SLC25A13: variants seen among roughly 807,000 people sequenced by gnomAD.
SLC25A13 encodes the protein solute carrier family 25 member 13.
SLC25A13 carries 70 observed loss-of-function variants against 85.5 expected under a neutral mutation model. The ratio of observed to expected loss-of-function variants is 0.82; its 90% CI spans 0.68 to 1.00. The LOEUF is 1.00. SLC25A13 is among the 50% of genes least tolerant of loss of function. SLC25A13 has a pLI of 0.00. For synonymous variants in SLC25A13, 259 were observed against 288.7 expected, an observed-to-expected ratio of 0.90 and a Z score of 1.04; for missense variants, 765 against 819.8, an observed-to-expected ratio of 0.93 and a Z score of 0.82.
intron 2 of SLC25A13, among the ~76,000 whole-genome samples, chr7:96,287,715 T>C (rs140189811): frequency 2.6e-5 from 4 of 152,312 alleles, no homozygotes; most frequent in Admixed American, 6.5e-5. Flanking sequence ...ACCAGTGAGA[T>C]TGTAAGATGC....
At position 96,322,090 on chromosome 7, in the gene SLC25A13, G is replaced by A; in HGVS notation, c.-134C>T. Reference sequence around the variant, plus strand: ...ATACGGCCAGGCAGCGTGCGTTCCTGGCCTGCCTCCCCACGCCCTCCCGCC... The same window carrying A: ...ATACGGCCAGGCAGCGTGCGTTCCTAGCCTGCCTCCCCACGCCCTCCCGCC... On this transcript the variant is annotated 5_prime_UTR_variant, in exon 1 of 18. Transcript: ENST00000265631. 7.9e-7 allele frequency: 1 copy of A among 1,270,838 alleles called. No homozygotes were observed. Among genetic ancestry groups the A allele is most frequent in the South Asian group, 1.3e-5 (1 of 76,122 alleles). The allele number at this position is 1,270,838 out of a possible 1,614,324, so 78.7% of individuals were successfully genotyped here.
intron 14 of SLC25A13, among the ~76,000 whole-genome samples, chr7:96,133,374 C>T (rs1353902467): frequency 2.0e-5 from 3 of 152,180 alleles, no homozygotes; most frequent in Admixed American, 6.5e-5. Context: ...TACAAACTAA[C>T]GTCCTGGACA....
chr7:96,302,520 A>G (rs1385745011), intron 1 of SLC25A13, among the ~76,000 whole-genome samples: 1 of 152,208 alleles, frequency 6.6e-6, no homozygotes, highest in African/African-American at 2.4e-5. Context: ...AGAAATGCTA[A>G]TTTGAAAAAT....
At chr7:96,175,258 A>G (rs935396899) in intron 11 of SLC25A13, among the ~76,000 whole-genome samples, 1 of 152,232 alleles carries the variant, frequency 6.6e-6, no homozygotes, top group African/African-American at 2.4e-5. Context: ...TGACCCAGGC[A>G]GAGGAAACAG....
At position 96,267,189 on chromosome 7, in the gene SLC25A13, A is replaced by G. The variant is rs1260648496; in HGVS notation, c.212+10007T>C. Among the ~76,000 whole-genome samples the G allele has an allele frequency of 2.0e-5, 3 of 152,182 alleles. No individual in the cohort carries two copies. The East Asian group carries it at 5.8e-4, about 29-fold the overall frequency. On this transcript the variant is annotated intron_variant, in intron 3 of 17. Coordinates refer to ENST00000265631, the MANE Select transcript of SLC25A13 (RefSeq NM_014251.3). ...CCCTAATATTCTTTAAGTATTGCCA[A>G]TTGTAAACCTCATTAACTCCCAGCA...
rs529436191 is a variant in SLC25A13, at chr7:96,308,046, G to A, written c.16-11095C>T. 2.0e-5 allele frequency among the ~76,000 whole-genome samples: 3 copies of A among 151,818 alleles called. No individual in the cohort carries two copies. In the South Asian group the frequency reaches 6.3e-4, roughly 32 times the overall value. On this transcript the variant is annotated intron_variant, in intron 1 of 17. Coordinates refer to ENST00000265631, the MANE Select transcript of SLC25A13 (RefSeq NM_014251.3). ...CACATGCCTGTAATCCCGGCTATTC[G>A]GGAGGCTGAGGTAGGAGAATCACTT...
At chr7:96,287,052 T>G (rs1384723445) in intron 2 of SLC25A13, among the ~76,000 whole-genome samples, 1 of 152,150 alleles carries the variant, frequency 6.6e-6, no homozygotes, top group African/African-American at 2.4e-5. Context: ...TCACAGAAAA[T>G]CAGCAAAGTA....
At chr7:96,211,715 G>A (rs991401090) in intron 4 of SLC25A13, among the ~76,000 whole-genome samples, 2 of 152,112 alleles carry the variant, frequency 1.3e-5, no homozygotes, top group Non-Finnish European at 2.9e-5. Context: ...AATGCAACAG[G>A]TTAAGGACAG....
chr7:96,301,940 A>G (rs1799562930), intron 1 of SLC25A13, among the ~76,000 whole-genome samples: 1 of 152,164 alleles, frequency 6.6e-6, no homozygotes, highest in Non-Finnish European at 1.5e-5. Context: ...GAAAGTGGCA[A>G]TGTTGGAACA....
intron 13 of SLC25A13, among the ~76,000 whole-genome samples, chr7:96,168,098 G>GGAAAA (rs1793836839): frequency 5.1e-5 from 1 of 19,694 alleles, no homozygotes; most frequent in Non-Finnish European, 1.3e-4. Context: ...AACTCTGTCT[G>GGAAAA]AAAAAAAAAA....
intron 2 of SLC25A13, among the ~76,000 whole-genome samples, chr7:96,280,825 T>C (rs530341242): frequency 6.6e-6 from 1 of 152,182 alleles, no homozygotes; most frequent in African/African-American, 2.4e-5. Flanking sequence ...TCTCACACAC[T>C]GATGGTATGA....
At chr7:96,131,614 A>T in intron 15 of SLC25A13, 129 bp downstream of exon 15, 1 of 1,208,300 alleles carries the variant, frequency 8.3e-7, no homozygotes, top group South Asian at 1.3e-5. Context: ...TAGCTCTTCA[A>T]TCTCTAGCAA....
chr7:96,176,033 A>G (rs763328894), intron 11 of SLC25A13, among the ~76,000 whole-genome samples: 5 of 152,160 alleles, frequency 3.3e-5, no homozygotes, highest in Non-Finnish European at 7.4e-5. Flanking sequence ...CCTTGAAAAC[A>G]TGAGTCTTGG....
chr7:96,178,217 G>A (rs1794297849), intron 11 of SLC25A13, among the ~76,000 whole-genome samples: 1 of 152,186 alleles, frequency 6.6e-6, no homozygotes, highest in Non-Finnish European at 1.5e-5. Context: ...GGTCAGGAGT[G>A]GGTTGAAGCC....
At position 96,146,686 on chromosome 7, in the gene SLC25A13, G is replaced by A. The variant is rs781202495; in HGVS notation, c.1322C>T (p.Ser441Phe). ...TAAAGGATTTGTGAAAATCACCTGG[G>A]AGCCTCCAGCCTAAAAAGAACAAAA... ...EILAGGCAGG[S>F]QVIFTNPLEI... Residue 441 changes from serine (S) to phenylalanine (F), a missense_variant, in exon 14 of 18, where the codon TCC (serine) becomes TTC (phenylalanine). Ser to Phe is a radical substitution (Grantham distance 155). Coordinates refer to ENST00000265631, the MANE Select transcript of SLC25A13 (RefSeq NM_014251.3). 2.0e-5 allele frequency: 32 copies of A among 1,613,896 alleles called. No individual in the cohort carries two copies. The highest frequency in any genetic ancestry group is 2.5e-5 in the Non-Finnish European group (29 of 1,179,966).
intron 15 of SLC25A13, among the ~76,000 whole-genome samples, chr7:96,128,940 C>CTCTCTCTT (rs1491445791): frequency 5.9e-4 from 4 of 6,830 alleles, no homozygotes; most frequent in Non-Finnish European, 1.2e-3. Context: ...GCCTTGCTTG[C>CTCTCTCTT]TCTCTCTCTC....
At chr7:96,320,254 G>C (rs560437199) in intron 1 of SLC25A13, among the ~76,000 whole-genome samples, 1 of 152,078 alleles carries the variant, frequency 6.6e-6, no homozygotes, top group Non-Finnish European at 1.5e-5. Flanking sequence ...TGACCCGCCC[G>C]CCCCAGCCTC....
intron 5 of SLC25A13, among the ~76,000 whole-genome samples, chr7:96,204,269 G>T (rs1171477658): frequency 1.3e-5 from 2 of 152,140 alleles, no homozygotes; most frequent in Non-Finnish European, 2.9e-5. Flanking sequence ...ATTAGTTATT[G>T]TAACTTTTTT....
chr7:96,175,085 C>A (rs1209316248), intron 11 of SLC25A13, among the ~76,000 whole-genome samples: 2 of 152,160 alleles, frequency 1.3e-5, no homozygotes, highest in South Asian at 4.1e-4. Flanking sequence ...ATACCAGACC[C>A]CAGGGGCATC....
Sources: allele counts gnomAD v4.1 joint callset (sites outside exome capture counted in the v4.1 genomes callset), GRCh38; gene constraint gnomAD v4.1.1; transcripts MANE v1.5; gene names NCBI Gene and HGNC (gene_info 2026-07-23, HGNC 2026-07-21).